Variants in LAMP2 observed in about 807,000 individuals in gnomAD.
LAMP2 encodes the protein lysosome associated membrane protein 2, also known as lysosome-associated membrane glycoprotein 2.
Under a neutral mutation model 25.6 loss-of-function variants are expected in LAMP2, and 4 were observed. The observed-to-expected ratio is 0.16, with a 90% confidence interval of 0.08 to 0.36. The LOEUF (loss-of-function observed/expected upper bound fraction) is 0.36, where lower values mean the gene tolerates loss of function less well. Ranked by LOEUF, LAMP2 falls within the 10% of genes least tolerant of loss-of-function variation. The pLI is 1.00. For synonymous variants in LAMP2, 108 were observed against 112.7 expected (o/e 0.96, Z 0.27); for missense variants, 272 against 301.4 (o/e 0.90, Z 0.72).
At chrX:120,456,389 G>C (rs773698297) in intron 2 of LAMP2, among the ~76,000 whole-genome samples, 8 of 110,938 alleles carry the variant, frequency 7.2e-5, no homozygotes, top group Non-Finnish European at 1.3e-4. Context: ...GAAATACTTA[G>C]ACCTGAACAC....
At chrX:120,441,621 T>C in intron 8 of LAMP2, 109 bp downstream of exon 8, 1 of 656,139 alleles carries the variant, frequency 1.5e-6, no homozygotes, top group Admixed American at 2.7e-5. Flanking sequence ...TGGTCAAGGC[T>C]ATGAATTCAT....
rs991396612 is a variant in LAMP2 at position 120,441,846 on chromosome X, C to T, written c.977G>A (p.Gly326Glu). The T allele has an allele frequency of 8.3e-7, 1 of 1,209,960 alleles. No homozygotes were observed. The highest frequency in any genetic ancestry group is 1.1e-6 in the Non-Finnish European group (1 of 893,788). Residue 326 changes from glycine to glutamate, a missense_variant, in exon 8 of 9, where the codon GGA becomes GAA. Transcript: ENST00000200639. The part of the protein sequence containing the change: ...NNLSYWDAPL[G>E]SSYMCNKEQT... Reference sequence around the variant, plus strand: ...CTCTTTGTTGCACATATAAGAACTTCCCAGGGGGGCATCCCAGTAGCTGAG... The same window carrying T: ...CTCTTTGTTGCACATATAAGAACTTTCCAGGGGGGCATCCCAGTAGCTGAG...
chrX:120,437,218 G>A (rs14410), intron 8 of LAMP2: 269,445 of 743,043 alleles, frequency 0.36, 36,098 homozygotes, highest in Non-Finnish European at 0.38. Context: ...TTTAAGTGAC[G>A]GAAAATATTT....
chrX:120,431,173 T>G lies in LAMP2; in HGVS notation c.*150A>C, dbSNP rs898643725. On this transcript the variant is annotated 3_prime_UTR_variant, in exon 9 of 9. Transcript: ENST00000200639. ...GCTGATTAAAGAGAACAGGTTTTAT[T>G]AATAAAGACTGATCTCAAAATGCTG... The G allele has an allele frequency of 2.2e-5, 25 of 1,141,305 alleles. No individual in the cohort carries two copies. Among genetic ancestry groups the G allele is most frequent in the Non-Finnish European group, 2.6e-5 (22 of 859,583 alleles). The allele number at this position is 1,141,305 out of a possible 1,213,427, so 94.1% of individuals were successfully genotyped here. A position where few individuals can be genotyped will look rare whatever the true frequency, so the allele number is the denominator to read the frequency against.
intron 8 of LAMP2, among the ~76,000 whole-genome samples, chrX:120,436,189 GTCTC>G (rs1157467241): frequency 1.5e-4 from 13 of 86,410 alleles, no homozygotes; most frequent in South Asian, 5.2e-4. Context: ...CTCTCTCTCT[GTCTC>G]TCTCTCTCTC....
rs1241098501 is a variant in LAMP2, at chrX:120,428,870, T to C, written c.*2453A>G. 3 of 749,571 alleles carry C rather than the reference T, an allele frequency of 4.0e-6. No individual in the cohort carries two copies. Among genetic ancestry groups the C allele is most frequent in the Non-Finnish European group, 4.7e-6 (3 of 637,504 alleles). 61.8% of individuals were successfully genotyped at this position (749,571 alleles called of 1,213,427 possible). A position where few individuals can be genotyped will look rare whatever the true frequency, so the allele number is the denominator to read the frequency against. ...AGGGTCCAAAATAGAGAATTGCGCT[T>C]GCCTAATATGGGAAGACTTTAGGTT... is the stretch of plus-strand genomic sequence containing the variant. On this transcript the variant is annotated 3_prime_UTR_variant, in exon 9 of 9. Coordinates refer to ENST00000200639, the MANE Select transcript of LAMP2 (RefSeq NM_002294.3).
intron 1 of LAMP2, among the ~76,000 whole-genome samples, chrX:120,458,800 A>AT (rs1298452398): frequency 9.0e-6 from 1 of 111,064 alleles, no homozygotes; most frequent in Non-Finnish European, 1.9e-5. Context: ...AGTCCTATTG[A>AT]TTTTTTTCCT....
At position 120,455,388 on chromosome X, in the gene LAMP2, A is replaced by G; in HGVS notation, c.366T>C (p.Asp122=). 8.3e-7 allele frequency: 1 copy of G among 1,208,690 alleles called. No individual in the cohort carries two copies. Among genetic ancestry groups the G allele is most frequent in the Non-Finnish European group, 1.1e-6 (1 of 892,805 alleles). The change falls in exon 3 of 9, where the codon GAT becomes GAC. Residue 122 remains aspartate (D), a synonymous_variant. Transcript: ENST00000200639. ...DSVSFSYNTG[D]NTTFPDAEDK... ...CTTCAGCATCAGGAAATGTTGTGTT[A>G]TCACCAGTGTTGTAGGAAAATGAGA...
intron 1 of LAMP2, 34 bp downstream of exon 1, chrX:120,469,072 C>T (rs764618616): frequency 1.7e-6 from 2 of 1,192,317 alleles, no homozygotes; most frequent in Non-Finnish European, 2.3e-6. Context: ...CGGGCCCAGG[C>T]GGACAGACTA....
rs1921035861 is a variant in LAMP2, at chrX:120,455,231, T to G, written c.397+126A>C. The G allele has an allele frequency of 5.3e-6, 3 of 561,288 alleles. No individual in the cohort carries two copies. In the African/African-American group the frequency reaches 7.0e-5, roughly 13 times the overall value. The allele number at this position is 561,288 out of a possible 1,213,427, so 46.3% of individuals were successfully genotyped here. ...GCCATGCATGGGGTCAGTGGGAGGG[T>G]TATAAAGACATGAAGTTTCCATGCT... On this transcript the variant is annotated intron_variant, in intron 3 of 8. Coordinates refer to ENST00000200639, the MANE Select transcript of LAMP2 (RefSeq NM_002294.3).
intron 8 of LAMP2, among the ~76,000 whole-genome samples, chrX:120,436,030 A>G (rs1345348032): frequency 9.0e-6 from 1 of 110,777 alleles, no homozygotes; most frequent in Non-Finnish European, 1.9e-5. Flanking sequence ...GGAATTGAGA[A>G]AAGTGTACAA....
At chrX:120,467,758 G>T (rs751710093) in intron 1 of LAMP2, among the ~76,000 whole-genome samples, 2 of 111,419 alleles carry the variant, frequency 1.8e-5, no homozygotes, top group Non-Finnish European at 3.8e-5. Flanking sequence ...TTTATTTATT[G>T]ATTTATTTAT....
Position 120,469,270 on chromosome X carries a change from G to T in LAMP2, c.-101C>A. 3.7e-6 allele frequency: 3 copies of T among 803,565 alleles called. No homozygotes were observed. The highest frequency in any genetic ancestry group is 4.3e-5 in the South Asian group (2 of 46,835). The allele number at this position is 803,565 out of a possible 1,213,427, so 66.2% of individuals were successfully genotyped here. ...CTGGACCTGGGTCAAGAGCACTGAT[G>T]ACCACCGACCACAGCCTTGCAAAAG... On this transcript the variant is annotated 5_prime_UTR_variant, in exon 1 of 9. Coordinates refer to ENST00000200639, the MANE Select transcript of LAMP2 (RefSeq NM_002294.3).
chrX:120,465,496 G>A (rs1188137795), intron 1 of LAMP2, among the ~76,000 whole-genome samples: 6 of 112,030 alleles, frequency 5.4e-5, no homozygotes, highest in Non-Finnish European at 7.5e-5. Context: ...CTTCTCTTCG[G>A]AAAGTTGTCT....
chrX:120,435,183 G>T (rs992827363), intron 8 of LAMP2, among the ~76,000 whole-genome samples: 3 of 111,788 alleles, frequency 2.7e-5, no homozygotes, highest in African/African-American at 6.5e-5. Context: ...TTTTTGGAAG[G>T]ATCCACATTA....
At position 120,429,761 on chromosome X, in the gene LAMP2, T is replaced by G; in HGVS notation, c.*1562A>C. 1 of 754,359 alleles carries G rather than the reference T, an allele frequency of 1.3e-6. No individual in the cohort carries two copies. Among genetic ancestry groups the G allele is most frequent in the Non-Finnish European group, 1.6e-6 (1 of 639,278 alleles). 62.2% of individuals were successfully genotyped at this position (754,359 alleles called of 1,213,427 possible). Reference sequence around the variant, plus strand: ...GGGGCAATTTTTATCAAAATGCTAGTAATAGTTTTGTTGCCCACTTGATAT... The same window carrying G: ...GGGGCAATTTTTATCAAAATGCTAGGAATAGTTTTGTTGCCCACTTGATAT... On this transcript the variant is annotated 3_prime_UTR_variant, in exon 9 of 9. Coordinates refer to ENST00000200639, the MANE Select transcript of LAMP2 (RefSeq NM_002294.3).
intron 6 of LAMP2, among the ~76,000 whole-genome samples, chrX:120,442,965 G>C (rs1438961502): frequency 2.7e-5 from 3 of 111,374 alleles, no homozygotes; most frequent in Non-Finnish European, 5.6e-5. Context: ...CTCTAGCCTG[G>C]ATCACAGCAG....
intron 3 of LAMP2, among the ~76,000 whole-genome samples, chrX:120,452,441 GC>G (rs1408740857): frequency 1.8e-5 from 2 of 111,854 alleles, no homozygotes; most frequent in Non-Finnish European, 3.8e-5. Context: ...TCTCTACCAA[GC>G]TTTCTCACTA....
rs776553740 is a variant in LAMP2 at position 120,469,131 on chromosome X, C to A, written c.39G>T (p.Gly13=). 5 of 1,212,263 alleles carry A rather than the reference C, an allele frequency of 4.1e-6. No individual in the cohort carries two copies. In the South Asian group the frequency reaches 5.3e-5, roughly 13 times the overall value. ...CFRLFPVPGS[G]LVLVCLVLGA... is the part of the protein sequence containing the mutation. ...CCAGGACTAGGCAGACCAGAACGAG[C>A]CCTGAGCCCGGAACCGGGAAGAGGC... The change falls in exon 1 of 9, where the codon GGG becomes GGT. Residue 13 remains glycine, a synonymous_variant. Transcript: ENST00000200639.
Sources: allele counts gnomAD v4.1 joint callset (sites outside exome capture counted in the v4.1 genomes callset), GRCh38; gene constraint gnomAD v4.1.1; transcripts MANE v1.5; gene names NCBI Gene and HGNC (gene_info 2026-07-23, HGNC 2026-07-21).